The following PHACTR3 variants were observed in gnomAD, a reference collection of about 807,000 sequenced individuals.
PHACTR3 encodes protein phosphatase 1, regulatory subunit 123.
In PHACTR3, 16 loss-of-function variants were observed where a neutral mutation model predicts 66.8. That is an observed-to-expected ratio of 0.24 (90% confidence interval 0.16 to 0.36). The LOEUF is 0.36. Among genes scored for constraint, PHACTR3 ranks in the 10% least tolerant of loss-of-function variants. PHACTR3 has a pLI of 1.00. For missense variants in PHACTR3, 647 were observed against 719.9 expected, an observed-to-expected ratio of 0.90 and a Z score of 1.16; for synonymous variants, 323 against 292.1, an observed-to-expected ratio of 1.11 and a Z score of -1.08.
At chr20:59,690,096 TCAAAA>T (rs897213777) in intron 1 of PHACTR3, among the ~76,000 whole-genome samples, 4 of 152,038 alleles carry the variant, frequency 2.6e-5, no homozygotes, top group African/African-American at 7.2e-5. Flanking sequence ...GCTTGTAAAA[TCAAAA>T]CAAAACAAAA....
At chr20:59,631,725 G>T (rs1345458228) in intron 1 of PHACTR3, among the ~76,000 whole-genome samples, 1 of 152,164 alleles carries the variant, frequency 6.6e-6, no homozygotes, top group East Asian at 1.9e-4. Flanking sequence ...TCCAACAGAA[G>T]ACAGTCTTTT....
In PHACTR3 at chr20:59,630,508, T is replaced by C. The variant is rs114588767; in HGVS notation, c.118+25376T>C. ...TGTTTAATTTTTCATTAGAAAAATATTGCATTTCCATTAAAGTAGACGTCA... is the reference window on the plus strand; with the variant it reads ...TGTTTAATTTTTCATTAGAAAAATACTGCATTTCCATTAAAGTAGACGTCA... On this transcript the variant is annotated intron_variant, in intron 1 of 12. Transcript: ENST00000371015. 4.0e-3 allele frequency among the ~76,000 whole-genome samples: 606 copies of C among 152,362 alleles called. 5 individuals are homozygous for C. Among genetic ancestry groups the C allele is most frequent in the African/African-American group, 0.014 (564 of 41,584 alleles).
chr20:59,782,899 G>A (rs184604915), intron 7 of PHACTR3, among the ~76,000 whole-genome samples: 77 of 152,292 alleles, frequency 5.1e-4, no homozygotes, highest in Admixed American at 4.9e-3. Context: ...AACGTTACAC[G>A]GAGAGAGGCA....
chr20:59,797,820 A>C (rs1469799541), intron 7 of PHACTR3, among the ~76,000 whole-genome samples: 1 of 152,100 alleles, frequency 6.6e-6, no homozygotes, highest in African/African-American at 2.4e-5. Flanking sequence ...CCTGAAATAA[A>C]AACTCCACTT....
In PHACTR3 at chr20:59,767,249, A is replaced by G. The variant is rs756121564; in HGVS notation, c.605A>G (p.Asn202Ser). 104 of 1,614,074 alleles carry G rather than the reference A, an allele frequency of 6.4e-5. No homozygotes were observed. The highest frequency in any genetic ancestry group is 1.1e-4 in the South Asian group (10 of 91,088). ...GCTGGCAGCCTCCTGCCCACCACCA[A>G]TGAGCTCTCCCAAGCCTTAGCTGGG... The part of the protein sequence containing the change: ...ADAGSLLPTT[N>S]ELSQALAGAD... The change falls in exon 5 of 13, where the codon AAT becomes AGT. Residue 202 changes from asparagine to serine, a missense_variant. Coordinates refer to ENST00000371015, the MANE Select transcript of PHACTR3 (RefSeq NM_080672.5).
intron 8 of PHACTR3, among the ~76,000 whole-genome samples, chr20:59,833,802 A>G (rs1035018937): frequency 1.3e-5 from 2 of 152,166 alleles, no homozygotes; most frequent in African/African-American, 4.8e-5. Flanking sequence ...TTTATTAGAG[A>G]AAGTATGAAG....
chr20:59,591,049 A>G (rs996146060), intron 1 of PHACTR3, among the ~76,000 whole-genome samples: 5 of 152,228 alleles, frequency 3.3e-5, no homozygotes, highest in Non-Finnish European at 5.9e-5. Flanking sequence ...CATGCACCAC[A>G]TTTTAAGCAC....
chr20:59,815,427 T>G (rs557648265), intron 8 of PHACTR3, among the ~76,000 whole-genome samples: 24 of 149,392 alleles, frequency 1.6e-4, no homozygotes, highest in Non-Finnish European at 2.4e-4. Flanking sequence ...GGTTTTTTTT[T>G]TTTTGTTTTT....
chr20:59,773,112 C>A (rs1305154531), intron 5 of PHACTR3, among the ~76,000 whole-genome samples, 167 bp from the exon 6 acceptor site: 4 of 152,174 alleles, frequency 2.6e-5, no homozygotes, highest in Non-Finnish European at 5.9e-5. Flanking sequence ...GCACCCTGGC[C>A]TCTAGCTTTG....
At chr20:59,708,217 G>C (rs1479664882) in intron 1 of PHACTR3, among the ~76,000 whole-genome samples, 1 of 152,206 alleles carries the variant, frequency 6.6e-6, no homozygotes, top group Middle Eastern at 3.2e-3. Context: ...AGTTCATCAG[G>C]ATAAGCTGGG....
At chr20:59,715,416 G>A (rs879881567) in intron 1 of PHACTR3, among the ~76,000 whole-genome samples, 2 of 152,144 alleles carry the variant, frequency 1.3e-5, no homozygotes, top group Non-Finnish European at 2.9e-5. Context: ...TGTTAATGTG[G>A]TGATTTCCAC....
chr20:59,702,223 G>A (rs1370031883), intron 1 of PHACTR3, among the ~76,000 whole-genome samples: 1 of 152,040 alleles, frequency 6.6e-6, no homozygotes, highest in Non-Finnish European at 1.5e-5. Flanking sequence ...TCATTCAGAT[G>A]TGCTCCTGAC....
intron 4 of PHACTR3, among the ~76,000 whole-genome samples, chr20:59,761,671 G>A (rs1014032863): frequency 1.3e-5 from 2 of 152,196 alleles, no homozygotes; most frequent in Non-Finnish European, 2.9e-5. Context: ...GAACAGAAAA[G>A]GTTTATCAGC....
intron 1 of PHACTR3, among the ~76,000 whole-genome samples, chr20:59,692,998 T>C (rs2037166698): frequency 6.6e-6 from 1 of 152,184 alleles, no homozygotes; most frequent in African/African-American, 2.4e-5. Flanking sequence ...TCATTATATA[T>C]GGTGCGTGGC....
chr20:59,673,602 A>C (rs1450933793), intron 1 of PHACTR3, among the ~76,000 whole-genome samples: 7 of 152,154 alleles, frequency 4.6e-5, no homozygotes, highest in Non-Finnish European at 8.8e-5. Context: ...AAGGGAAGAC[A>C]GGCAGCTGGG....
At position 59,699,791 on chromosome 20, in the gene PHACTR3, A is replaced by G. The variant is rs961921992; in HGVS notation, c.119-43316A>G. On this transcript the variant is annotated intron_variant, in intron 1 of 12. Coordinates refer to ENST00000371015, the MANE Select transcript of PHACTR3 (RefSeq NM_080672.5). ...AGCCTGGCCAACATGGTGAAACCCC[A>G]TCTCTACTAAAAACACAAAAATTAG... 7.2e-4 allele frequency among the ~76,000 whole-genome samples: 110 copies of G among 152,186 alleles called. 1 individual carries two copies. The highest frequency in any genetic ancestry group is 2.6e-3 in the African/African-American group (110 of 41,540).
chr20:59,664,710 G>A (rs1292353741), intron 1 of PHACTR3, among the ~76,000 whole-genome samples: 1 of 152,228 alleles, frequency 6.6e-6, no homozygotes, highest in Non-Finnish European at 1.5e-5. Flanking sequence ...CAATCCTTTT[G>A]TGTATCTCAG....
chr20:59,688,895 G>C (rs540637164), intron 1 of PHACTR3, among the ~76,000 whole-genome samples: 1 of 152,130 alleles, frequency 6.6e-6, no homozygotes, highest in Non-Finnish European at 1.5e-5. Context: ...CTTTGTTCTC[G>C]TGGGCTTGGG....
chr20:59,744,255 T>A lies in PHACTR3; in HGVS notation c.280+987T>A, dbSNP rs572922369. Among the ~76,000 whole-genome samples the A allele has an allele frequency of 3.9e-5, 6 of 152,278 alleles. No individual in the cohort carries two copies. In the South Asian group the frequency reaches 1.2e-3, roughly 32 times the overall value. On this transcript the variant is annotated intron_variant, in intron 2 of 12. Transcript: ENST00000371015. ...CACCCAGGGTCACACAGCCAGCAGG[T>A]GGCGGGGCTGAGGCTTGGACCCTGG...
Sources: allele counts gnomAD v4.1 joint callset (sites outside exome capture counted in the v4.1 genomes callset), GRCh38; gene constraint gnomAD v4.1.1; transcripts MANE v1.5; gene names NCBI Gene and HGNC (gene_info 2026-07-23, HGNC 2026-07-21).